The following MMP16 variants were observed in gnomAD, a reference collection of about 807,000 sequenced individuals.
MMP16 encodes the protein matrix metallopeptidase 16.
Under a neutral mutation model 67.8 loss-of-function variants are expected in MMP16, and 12 were observed. That is an observed-to-expected ratio of 0.18 (90% confidence interval 0.11 to 0.29). The LOEUF is 0.29. Ranked by LOEUF, MMP16 falls within the 10% of genes least tolerant of loss-of-function variation. The probability of loss-of-function intolerance (pLI) is 1.00; values close to 1 mark genes in which losing one functional copy is unlikely to be tolerated. For missense variants in MMP16, 475 were observed against 765.7 expected (o/e 0.62, Z 4.48); for synonymous variants, 249 against 255.9 (o/e 0.97, Z 0.26).
chr8:88,125,189 AT>A (rs34226547), intron 4 of MMP16, among the ~76,000 whole-genome samples: 133 of 144,686 alleles, frequency 9.2e-4, no homozygotes, highest in South Asian at 3.9e-3. Context: ...AGTCCTGGAG[AT>A]TTTTTTTTTT....
At chr8:88,304,517 G>C (rs534051016) in intron 1 of MMP16, among the ~76,000 whole-genome samples, 37 of 152,240 alleles carry the variant, frequency 2.4e-4, no homozygotes, top group African/African-American at 8.9e-4. Context: ...TGGTTGAAAT[G>C]ACAGAAAAAA....
chr8:88,088,311 C>T (rs552691072), intron 6 of MMP16, among the ~76,000 whole-genome samples: 2 of 151,482 alleles, frequency 1.3e-5, no homozygotes, highest in African/African-American at 2.4e-5. Context: ...TACTTAAAAG[C>T]CCTGAGCAAG....
chr8:88,291,622 C>A (rs571592621), intron 1 of MMP16, among the ~76,000 whole-genome samples: 326 of 152,174 alleles, frequency 2.1e-3, no homozygotes, highest in African/African-American at 7.2e-3. Flanking sequence ...AAACTGAAAC[C>A]CTCTCTTCTT....
intron 7 of MMP16, among the ~76,000 whole-genome samples, chr8:88,066,106 C>T (rs1488210646): frequency 6.6e-6 from 1 of 152,078 alleles, no homozygotes; most frequent in African/African-American, 2.4e-5. Context: ...TTGAGACAAC[C>T]TTTCAGCTAC....
intron 1 of MMP16, among the ~76,000 whole-genome samples, chr8:88,272,187 T>G (rs945949040): frequency 1.3e-5 from 2 of 152,176 alleles, no homozygotes; most frequent in African/African-American, 4.8e-5. Flanking sequence ...TATTTATCAA[T>G]CATTTTTATC....
chr8:88,090,992 T>C (rs1184085212), intron 6 of MMP16, among the ~76,000 whole-genome samples: 3 of 151,910 alleles, frequency 2.0e-5, no homozygotes, highest in Non-Finnish European at 4.4e-5. Context: ...CTCTTTCCTA[T>C]TGATCCTTCA....
rs1811546258 is a variant in MMP16 at position 88,326,807 on chromosome 8, T to C, written c.132+268A>G. 5 of 368,514 alleles carry C rather than the reference T, an allele frequency of 1.4e-5. No individual in the cohort carries two copies. The East Asian group carries it at 2.1e-4, about 15-fold the overall frequency. 22.8% of individuals were successfully genotyped at this position (368,514 alleles called of 1,614,324 possible). A position where few individuals can be genotyped will look rare whatever the true frequency, so the allele number is the denominator to read the frequency against. ...CGGTTGCTATATGTAGGACTTCTCTTCCCTGGGTGAAAAGCATGGACCGGC... is the reference window on the plus strand; with the variant it reads ...CGGTTGCTATATGTAGGACTTCTCTCCCCTGGGTGAAAAGCATGGACCGGC... On this transcript the variant is annotated intron_variant, in intron 1 of 9. Transcript: ENST00000286614.
rs187075199 is a variant in MMP16, at chr8:88,319,009, G to A, written c.132+8066C>T. Among the ~76,000 whole-genome samples the A allele has an allele frequency of 3.5e-3, 536 of 152,134 alleles. 4 individuals are homozygous for A. Among genetic ancestry groups the A allele is most frequent in the Middle Eastern group, 6.8e-3 (2 of 294 alleles). ...GGAGACTGCTTGGCAGTGTCTGGAT[G>A]CTGTCATTATAAAATCCACGCTACA... On this transcript the variant is annotated intron_variant, in intron 1 of 9. Transcript: ENST00000286614.
intron 1 of MMP16, among the ~76,000 whole-genome samples, chr8:88,210,866 CA>C (rs1809502184): frequency 6.6e-6 from 1 of 152,042 alleles, no homozygotes; most frequent in Non-Finnish European, 1.5e-5. Flanking sequence ...AACAACACAC[CA>C]AGAGCTTAAC....
At chr8:88,218,864 TACA>T (rs1359748941) in intron 1 of MMP16, among the ~76,000 whole-genome samples, 1 of 152,062 alleles carries the variant, frequency 6.6e-6, no homozygotes, top group Non-Finnish European at 1.5e-5. Context: ...AGTTCATTAT[TACA>T]ACATTTTAGA....
In MMP16 at chr8:88,171,646, T is replaced by C. The variant is rs73287079; in HGVS notation, c.405-3673A>G. On this transcript the variant is annotated intron_variant, in intron 3 of 9. Coordinates refer to ENST00000286614, the MANE Select transcript of MMP16 (RefSeq NM_005941.5). ...AAATAGGAAAAAACATAATTATAGA[T>C]ATTATTTCATTTTTAATAGGTTTTG... is the stretch of plus-strand genomic sequence containing the variant. Among the ~76,000 whole-genome samples, 754 of 152,308 alleles carry C rather than the reference T, an allele frequency of 5.0e-3. 2 individuals are homozygous for C. The highest frequency in any genetic ancestry group is 0.017 in the African/African-American group (700 of 41,572).
At chr8:88,187,511 T>C (rs962244112) in intron 2 of MMP16, among the ~76,000 whole-genome samples, 26 of 152,294 alleles carry the variant, frequency 1.7e-4, no homozygotes, top group African/African-American at 5.3e-4. Flanking sequence ...AGAAAATTCA[T>C]AGTACTACAT....
intron 1 of MMP16, among the ~76,000 whole-genome samples, chr8:88,214,952 TA>T (rs1809565427): frequency 6.6e-6 from 1 of 152,186 alleles, no homozygotes. Context: ...ACTATCATTC[TA>T]AACCTTAAAT....
At chr8:88,137,660 A>C (rs1808143499) in intron 4 of MMP16, among the ~76,000 whole-genome samples, 1 of 151,892 alleles carries the variant, frequency 6.6e-6, no homozygotes, top group African/African-American at 2.4e-5. Flanking sequence ...TTTTCTCTTT[A>C]TACATTGCTT....
chr8:88,203,889 T>G (rs1809384487), intron 1 of MMP16, among the ~76,000 whole-genome samples: 1 of 152,196 alleles, frequency 6.6e-6, no homozygotes, highest in South Asian at 2.1e-4. Flanking sequence ...ATAGCTATTT[T>G]GGGATATGAG....
intron 7 of MMP16, among the ~76,000 whole-genome samples, chr8:88,062,093 A>G (rs1808406422): frequency 6.6e-6 from 1 of 152,136 alleles, no homozygotes; most frequent in Non-Finnish European, 1.5e-5. Flanking sequence ...AATAATAATT[A>G]TGAGTGATAA....
intron 1 of MMP16, among the ~76,000 whole-genome samples, chr8:88,318,456 C>T (rs937806650): frequency 1.4e-4 from 21 of 152,182 alleles, no homozygotes; most frequent in African/African-American, 4.8e-4. Flanking sequence ...TAATATTTTT[C>T]CACTATACAT....
intron 8 of MMP16, among the ~76,000 whole-genome samples, chr8:88,047,633 A>G (rs1182572214): frequency 2.0e-5 from 3 of 152,196 alleles, no homozygotes; most frequent in Non-Finnish European, 2.9e-5. Flanking sequence ...TGTGTCTACA[A>G]GGAGGCTGGG....
At chr8:88,258,227 T>C (rs931593153) in intron 1 of MMP16, among the ~76,000 whole-genome samples, 4 of 152,146 alleles carry the variant, frequency 2.6e-5, no homozygotes, top group Admixed American at 2.6e-4. Flanking sequence ...GTGCCTGTGC[T>C]AACACCTCTG....
Sources: allele counts gnomAD v4.1 joint callset (sites outside exome capture counted in the v4.1 genomes callset), GRCh38; gene constraint gnomAD v4.1.1; transcripts MANE v1.5; gene names NCBI Gene and HGNC (gene_info 2026-07-23, HGNC 2026-07-21).